The following SPIDR variants were observed in gnomAD, a reference collection of about 807,000 sequenced individuals.
SPIDR encodes scaffold protein involved in DNA repair, also known as DNA repair-scaffolding protein.
SPIDR carries 93 observed loss-of-function variants against 104.6 expected under a neutral mutation model. That is an observed-to-expected ratio of 0.89 (90% confidence interval 0.75 to 1.06). SPIDR has a LOEUF of 1.06. Ranked by LOEUF, SPIDR falls within the 50% of genes least tolerant of loss-of-function variation. SPIDR has a pLI of 0.00. For synonymous variants in SPIDR, 431 were observed against 416.9 expected (o/e 1.03, Z -0.41); for missense variants, 1,154 against 1,111.2 (o/e 1.04, Z -0.55).
At chr8:47,472,722 A>C (rs1447379808) in intron 8 of SPIDR, among the ~76,000 whole-genome samples, 1 of 152,202 alleles carries the variant, frequency 6.6e-6, no homozygotes, top group Admixed American at 6.5e-5. Context: ...GCAACAACCC[A>C]AGTAATTACC....
intron 8 of SPIDR, among the ~76,000 whole-genome samples, chr8:47,493,794 ATATTAT>A (rs906663143): frequency 5.9e-5 from 9 of 152,174 alleles, no homozygotes; most frequent in African/African-American, 1.7e-4. Flanking sequence ...TGGGTTTTTT[ATATTAT>A]TATTATAGTA....
At chr8:47,524,823 G>A (rs973444083) in intron 8 of SPIDR, among the ~76,000 whole-genome samples, 1 of 152,208 alleles carries the variant, frequency 6.6e-6, no homozygotes, top group African/African-American at 2.4e-5. Flanking sequence ...AGTATTCAAA[G>A]GAGAAAGAGT....
chr8:47,492,116 C>T (rs782544061), intron 8 of SPIDR, among the ~76,000 whole-genome samples: 2 of 152,022 alleles, frequency 1.3e-5, no homozygotes, highest in Non-Finnish European at 2.9e-5. Context: ...TTCACCCCTT[C>T]CCTGTGCTAC....
intron 5 of SPIDR, among the ~76,000 whole-genome samples, chr8:47,390,918 T>TTGAACCTA (rs2060504144): frequency 1.3e-5 from 2 of 152,176 alleles, no homozygotes; most frequent in South Asian, 4.1e-4. Flanking sequence ...AAATATAAGC[T>TTGAACCTA]TGAACCTATG....
chr8:47,544,834 T>C (rs1478577262), intron 8 of SPIDR, among the ~76,000 whole-genome samples: 2 of 152,222 alleles, frequency 1.3e-5, no homozygotes, highest in Non-Finnish European at 2.9e-5. Flanking sequence ...TAGAGTAATT[T>C]TATCTCCACA....
At chr8:47,531,706 C>T (rs1233668044) in intron 8 of SPIDR, among the ~76,000 whole-genome samples, 1 of 152,150 alleles carries the variant, frequency 6.6e-6, no homozygotes, top group East Asian at 1.9e-4. Flanking sequence ...CATTTCTGTT[C>T]CAGTTCCAAG....
At position 47,360,799 on chromosome 8, in the gene SPIDR, C is replaced by G. The variant is rs538306478; in HGVS notation, c.526-35577C>G. 5.1e-6 allele frequency: 5 copies of G among 985,010 alleles called. No homozygotes were observed. In the African/African-American group the frequency reaches 8.7e-5, roughly 17 times the overall value. 61.0% of individuals were successfully genotyped at this position (985,010 alleles called of 1,614,324 possible). A position where few individuals can be genotyped will look rare whatever the true frequency, so the allele number is the denominator to read the frequency against. ...AGTCTGTGGGGCAAAAATTTGTCTACTGGTCACCAGTTTGTGTCCAGTGCT... is the reference window on the plus strand; with the variant it reads ...AGTCTGTGGGGCAAAAATTTGTCTAGTGGTCACCAGTTTGTGTCCAGTGCT... On this transcript the variant is annotated intron_variant, in intron 5 of 19. Transcript: ENST00000297423.
chr8:47,263,238 A>G (rs937259295), intron 1 of SPIDR, among the ~76,000 whole-genome samples: 1 of 152,184 alleles, frequency 6.6e-6, no homozygotes, highest in Non-Finnish European at 1.5e-5. Context: ...AGCCTCCATA[A>G]TATCTGTGTC....
intron 5 of SPIDR, among the ~76,000 whole-genome samples, chr8:47,377,053 G>C: frequency 6.6e-6 from 1 of 152,104 alleles, no homozygotes; most frequent in South Asian, 2.1e-4. Context: ...TTACCATATA[G>C]TCCTTTATAG....
chr8:47,694,442 A>G (rs1329365020), intron 11 of SPIDR, among the ~76,000 whole-genome samples: 4 of 152,166 alleles, frequency 2.6e-5, no homozygotes, highest in East Asian at 1.9e-4. Context: ...GACCATGTAA[A>G]AGATAAGCGG....
At chr8:47,323,333 T>C (rs2047109911) in intron 5 of SPIDR, among the ~76,000 whole-genome samples, 1 of 152,212 alleles carries the variant, frequency 6.6e-6, no homozygotes, top group African/African-American at 2.4e-5. Context: ...TATAATTCTT[T>C]TATCTTAGAG....
At chr8:47,495,806 A>G (rs1159660297) in intron 8 of SPIDR, among the ~76,000 whole-genome samples, 13 of 152,006 alleles carry the variant, frequency 8.6e-5, no homozygotes, top group South Asian at 2.1e-4. Flanking sequence ...TTCTTCTTCA[A>G]TTTTCTTGGC....
intron 1 of SPIDR, among the ~76,000 whole-genome samples, chr8:47,270,045 A>G (rs2034973039): frequency 6.6e-6 from 1 of 152,116 alleles, no homozygotes; most frequent in Non-Finnish European, 1.5e-5. Flanking sequence ...ATGTTGCTGG[A>G]TTCAGTTTGC....
intron 19 of SPIDR, among the ~76,000 whole-genome samples, chr8:47,730,820 G>A (rs1479380297): frequency 1.3e-5 from 2 of 152,166 alleles, no homozygotes; most frequent in African/African-American, 2.4e-5. Flanking sequence ...CAGCAGCCCC[G>A]CAAGGCAGAG....
chr8:47,684,126 C>CAAAAAA (rs748328609), intron 11 of SPIDR, among the ~76,000 whole-genome samples: 1 of 38,122 alleles, frequency 2.6e-5, no homozygotes, highest in South Asian at 1.2e-3. Flanking sequence ...GACTCTGTCT[C>CAAAAAA]AAAAAAAAAA....
chr8:47,720,624 G>C (rs1000803759), intron 16 of SPIDR, among the ~76,000 whole-genome samples: 3 of 152,010 alleles, frequency 2.0e-5, no homozygotes, highest in Non-Finnish European at 4.4e-5. Context: ...TTGATGATTT[G>C]TCTGTTCAAA....
At chr8:47,294,890 A>AT (rs1170653512) in intron 5 of SPIDR, among the ~76,000 whole-genome samples, 8 of 151,630 alleles carry the variant, frequency 5.3e-5, no homozygotes, top group South Asian at 2.1e-4. Flanking sequence ...TTACTTCTTA[A>AT]TTTTTTTTCT....
chr8:47,490,212 GA>G (rs1554737848), intron 8 of SPIDR, among the ~76,000 whole-genome samples: 1 of 152,204 alleles, frequency 6.6e-6, no homozygotes, highest in Non-Finnish European at 1.5e-5. Flanking sequence ...CTTTGCAGGG[GA>G]AGACATTTAT....
At chr8:47,539,455 A>G (rs917074116) in intron 8 of SPIDR, among the ~76,000 whole-genome samples, 10 of 152,186 alleles carry the variant, frequency 6.6e-5, no homozygotes, top group African/African-American at 1.2e-4. Context: ...AGACTTTTCA[A>G]TGTTATTAAT....
Sources: gnomAD v4.1 joint callset for allele counts (sites outside exome capture counted in the v4.1 genomes callset) on GRCh38, gnomAD v4.1.1 for gene constraint, MANE v1.5 for transcripts, NCBI Gene and HGNC (gene_info 2026-07-23, HGNC 2026-07-21) for gene names.